BEND7: variants seen among roughly 807,000 people sequenced by gnomAD.
The protein encoded by BEND7 is BEN domain containing 7, also known as BEN domain-containing protein 7.
In BEND7, 28 loss-of-function variants were observed where a neutral mutation model predicts 50.9. The observed-to-expected ratio is 0.55, with a 90% CI of 0.41 to 0.75. The LOEUF (loss-of-function observed/expected upper bound fraction) is 0.75, where lower values mean the gene tolerates loss of function less well. Ranked by LOEUF, BEND7 falls within the 30% of genes least tolerant of loss-of-function variation. The pLI is 0.00. For missense variants in BEND7, 477 were observed against 491.3 expected (o/e 0.97, Z 0.28); for synonymous variants, 170 against 183.9 (o/e 0.92, Z 0.61).
chr10:13,519,983 C>G (rs2078972665), intron 2 of BEND7, among the ~76,000 whole-genome samples: 1 of 152,072 alleles, frequency 6.6e-6, no homozygotes, highest in Admixed American at 6.5e-5. Context: ...GGGTGAAGAG[C>G]AAGAGAAGGC....
At chr10:13,463,798 A>T (rs1457395745) in intron 6 of BEND7, among the ~76,000 whole-genome samples, 1 of 152,244 alleles carries the variant, frequency 6.6e-6, no homozygotes, top group Admixed American at 6.5e-5. Context: ...ACTGGAAAAT[A>T]AGGGGTGATA....
chr10:13,443,144 T>C (rs887490537), intron 8 of BEND7: 2 of 152,360 alleles, frequency 1.3e-5, no homozygotes, highest in African/African-American at 4.8e-5. Context: ...ACCCTAAAAA[T>C]GATTTAAAAA....
intron 6 of BEND7, among the ~76,000 whole-genome samples, chr10:13,479,551 G>T (rs2075708337): frequency 6.6e-6 from 1 of 152,174 alleles, no homozygotes; most frequent in African/African-American, 2.4e-5. Flanking sequence ...CTGCATTTCA[G>T]AAAAGCACCA....
chr10:13,472,480 T>C (rs1482748997), intron 6 of BEND7, among the ~76,000 whole-genome samples: 1 of 152,046 alleles, frequency 6.6e-6, no homozygotes, highest in East Asian at 1.9e-4. Context: ...CCGTCATTGC[T>C]GTTAGACTCG....
chr10:13,501,989 C>G (rs1428302286), intron 2 of BEND7, among the ~76,000 whole-genome samples: 1 of 150,934 alleles, frequency 6.6e-6, no homozygotes, highest in Non-Finnish European at 1.5e-5. Context: ...CCTACAAATA[C>G]ACACAGCACA....
chr10:13,483,946 C>G (rs546333984), intron 5 of BEND7, among the ~76,000 whole-genome samples: 2 of 152,290 alleles, frequency 1.3e-5, no homozygotes, highest in African/African-American at 4.8e-5. Context: ...GCCACAACTC[C>G]TAACAACTAA....
intron 2 of BEND7, among the ~76,000 whole-genome samples, chr10:13,509,282 T>C (rs2078111864): frequency 6.6e-6 from 1 of 152,228 alleles, no homozygotes; most frequent in African/African-American, 2.4e-5. Context: ...TCCTATACTC[T>C]CTTTGTTTTT....
chr10:13,503,008 C>A (rs994321354), intron 2 of BEND7: 20 of 883,268 alleles, frequency 2.3e-5, no homozygotes, highest in Non-Finnish European at 2.6e-5. Context: ...AACAGGAAGG[C>A]GTCACAAGGA....
intron 5 of BEND7, among the ~76,000 whole-genome samples, chr10:13,487,624 G>T (rs1216620310): frequency 1.3e-5 from 2 of 151,970 alleles, no homozygotes; most frequent in East Asian, 3.9e-4. Flanking sequence ...GATCTCAGCT[G>T]ATCTACTAGC....
chr10:13,454,561 A>AGT (rs907174451), intron 6 of BEND7, among the ~76,000 whole-genome samples: 1 of 151,858 alleles, frequency 6.6e-6, no homozygotes, highest in Non-Finnish European at 1.5e-5. Flanking sequence ...TCAAGGCTGC[A>AGT]GTGAGCTATG....
At chr10:13,456,343 C>T (rs1278163720) in intron 6 of BEND7, among the ~76,000 whole-genome samples, 1 of 152,150 alleles carries the variant, frequency 6.6e-6, no homozygotes, top group East Asian at 1.9e-4. Context: ...CAGTGTGGGG[C>T]TGAAATGCAG....
At chr10:13,476,175 A>G (rs2075418865) in intron 6 of BEND7, among the ~76,000 whole-genome samples, 2 of 152,236 alleles carry the variant, frequency 1.3e-5, no homozygotes. Context: ...ATCTAGAGTC[A>G]CAAGAATAAA....
chr10:13,442,255 G>A (rs1243830017), intron 8 of BEND7: 1 of 153,216 alleles, frequency 6.5e-6, no homozygotes, highest in Non-Finnish European at 1.5e-5. Flanking sequence ...GCCAAATCCA[G>A]GGCTAGGGGA....
intron 5 of BEND7, among the ~76,000 whole-genome samples, chr10:13,488,746 C>T (rs954525821): frequency 2.6e-5 from 4 of 152,220 alleles, no homozygotes; most frequent in Non-Finnish European, 4.4e-5. Flanking sequence ...CTTGGCCTCC[C>T]AAAGTGCTGG....
downstream of BEND7, chr10:13,439,592 T>G: frequency 1.6e-6 from 2 of 1,222,880 alleles, no homozygotes; most frequent in East Asian, 5.1e-5. Flanking sequence ...TCTTAGTGAG[T>G]GCAAGTGACA....
intron 6 of BEND7, among the ~76,000 whole-genome samples, chr10:13,456,577 C>G (rs1206507747): frequency 7.9e-5 from 12 of 152,062 alleles, no homozygotes; most frequent in Non-Finnish European, 1.5e-4. Flanking sequence ...AACCAGGTTG[C>G]CCAATGTATG....
chr10:13,453,236 C>T, intron 6 of BEND7, among the ~76,000 whole-genome samples: 1 of 151,068 alleles, frequency 6.6e-6, no homozygotes. Flanking sequence ...AGGAGAACCC[C>T]ACGGTAGGAC....
At chr10:13,487,245 A>G (rs1343855630) in intron 5 of BEND7, among the ~76,000 whole-genome samples, 1 of 152,208 alleles carries the variant, frequency 6.6e-6, no homozygotes, top group Non-Finnish European at 1.5e-5. Flanking sequence ...TGCAGTTGCA[A>G]AAACCACGGC....
intron 2 of BEND7, among the ~76,000 whole-genome samples, chr10:13,516,650 TGGCG>T (rs1174845178): frequency 6.6e-6 from 1 of 152,056 alleles, no homozygotes; most frequent in African/African-American, 2.4e-5. Flanking sequence ...CGCTTGAACC[TGGCG>T]GTGAAGGATG....
Sources: allele counts gnomAD v4.1 joint callset (sites outside exome capture counted in the v4.1 genomes callset), GRCh38; gene constraint gnomAD v4.1.1; transcripts MANE v1.5; gene names NCBI Gene and HGNC (gene_info 2026-07-23, HGNC 2026-07-21).